The following AGMO variants were observed in gnomAD, a reference collection of about 807,000 sequenced individuals.
AGMO encodes the protein glyceryl-ether monooxygenase.
Under a neutral mutation model 60.2 loss-of-function variants are expected in AGMO, and 75 were observed. That is an observed-to-expected ratio of 1.25 (90% CI 1.03 to 1.51). The LOEUF is 1.51. AGMO is among the 40% of genes most tolerant of loss of function. The pLI is 0.00. For synonymous variants in AGMO, 261 were observed against 177.1 expected, an observed-to-expected ratio of 1.47 and a Z score of -3.76; for missense variants, 763 against 525.5, an observed-to-expected ratio of 1.45 and a Z score of -4.42.
At chr7:15,462,334 A>G (rs550243176) in intron 3 of AGMO, among the ~76,000 whole-genome samples, 6 of 152,296 alleles carry the variant, frequency 3.9e-5, no homozygotes, top group African/African-American at 1.4e-4. Flanking sequence ...TCAAGCTTAG[A>G]AAAATCTAAT....
At chr7:15,305,735 G>T (rs1780596065) in intron 12 of AGMO, among the ~76,000 whole-genome samples, 1 of 151,782 alleles carries the variant, frequency 6.6e-6, no homozygotes, top group Non-Finnish European at 1.5e-5. Flanking sequence ...TAAGCAACTC[G>T]GTTTCTACTG....
At chr7:15,551,317 G>C (rs1423992849) in intron 2 of AGMO, among the ~76,000 whole-genome samples, 2 of 151,352 alleles carry the variant, frequency 1.3e-5, no homozygotes, top group Admixed American at 6.6e-5. Context: ...GTTCTGGCCA[G>C]GGCAATTAGG....
chr7:15,143,598 T>C, the AGMO span, among the ~76,000 whole-genome samples: 2 of 152,204 alleles, frequency 1.3e-5, no homozygotes, highest in African/African-American at 2.4e-5. Context: ...TATGGGTATA[T>C]TCAGAAATAT....
At chr7:15,144,555 G>A in the AGMO span, among the ~76,000 whole-genome samples, 2 of 152,210 alleles carry the variant, frequency 1.3e-5, no homozygotes, top group African/African-American at 4.8e-5. Context: ...CGTGTATAGA[G>A]AATGGTACTT....
chr7:15,512,055 A>G (rs1257481297), intron 3 of AGMO, among the ~76,000 whole-genome samples: 1 of 152,224 alleles, frequency 6.6e-6, no homozygotes, highest in Non-Finnish European at 1.5e-5. Context: ...ATGAACATAC[A>G]AAATAATTTT....
chr7:15,210,833 C>T (rs74808231), intron 12 of AGMO, among the ~76,000 whole-genome samples: 1,685 of 151,966 alleles, frequency 0.011, 43 homozygotes, highest in African/African-American at 0.039. Flanking sequence ...TTAAATTAGA[C>T]CCTTTCAAAT....
the AGMO span, among the ~76,000 whole-genome samples, chr7:15,155,419 CTTTTTTTTTTTTTTTTT>C: frequency 1.7e-4 from 11 of 63,912 alleles, no homozygotes; most frequent in Admixed American, 7.4e-4. Flanking sequence ...TACAGAATTT[CTTTTTTTTTTTTTTTTT>C]TTTTTTTTTT....
chr7:15,320,716 C>T (rs1781083308), intron 12 of AGMO, among the ~76,000 whole-genome samples: 1 of 152,026 alleles, frequency 6.6e-6, no homozygotes, highest in Non-Finnish European at 1.5e-5. Context: ...CGATATATAT[C>T]ACATAATGTT....
At chr7:15,301,686 T>A (rs1784563084) in intron 12 of AGMO, among the ~76,000 whole-genome samples, 1 of 152,196 alleles carries the variant, frequency 6.6e-6, no homozygotes, top group African/African-American at 2.4e-5. Flanking sequence ...TAGAAATGTT[T>A]TAATTTTCAT....
At chr7:15,280,857 A>G (rs1783943965) in intron 12 of AGMO, among the ~76,000 whole-genome samples, 1 of 152,186 alleles carries the variant, frequency 6.6e-6, no homozygotes, top group South Asian at 2.1e-4. Context: ...CCAACACACT[A>G]TGGCTATTTA....
intron 4 of AGMO, among the ~76,000 whole-genome samples, chr7:15,427,361 T>C (rs191792894): frequency 7.2e-4 from 109 of 152,300 alleles, no homozygotes; most frequent in Non-Finnish European, 1.4e-3. Context: ...ATCCTTTACT[T>C]GCTTTCCCCT....
intron 12 of AGMO, among the ~76,000 whole-genome samples, chr7:15,266,120 G>T (rs918855613): frequency 1.3e-5 from 2 of 152,014 alleles, no homozygotes; most frequent in Non-Finnish European, 2.9e-5. Context: ...TGGTTGACAG[G>T]GGATCAGGGG....
intron 3 of AGMO, among the ~76,000 whole-genome samples, chr7:15,538,292 G>A (rs1396174077): frequency 1.3e-5 from 2 of 152,090 alleles, no homozygotes; most frequent in African/African-American, 4.8e-5. Flanking sequence ...GAGTACAGTG[G>A]CACACTCATA....
chr7:15,511,640 C>T lies in AGMO; in HGVS notation c.409+33132G>A, dbSNP rs916216268. Among the ~76,000 whole-genome samples the T allele has an allele frequency of 2.2e-4, 33 of 152,112 alleles. 1 individual carries two copies. Among genetic ancestry groups the T allele is most frequent in the Admixed American group, 6.5e-4 (10 of 15,282 alleles). ...CTAAGAGAATAGATCTTAAGTATTC[C>T]CATCCCCCAAAAGTAACTATGTGAG... On this transcript the variant is annotated intron_variant, in intron 3 of 12. Transcript: ENST00000342526.
At chr7:15,531,207 C>T (rs1366595667) in intron 3 of AGMO, among the ~76,000 whole-genome samples, 2 of 62,986 alleles carry the variant, frequency 3.2e-5, no homozygotes, top group Non-Finnish European at 5.5e-5. Flanking sequence ...TATATATATT[C>T]TATATATTCT....
rs917762551 is a variant in AGMO at position 15,372,457 on chromosome 7, A to AAAATAAAT, written c.1075-6243_1075-6236dup. Among the ~76,000 whole-genome samples, 4 of 152,286 alleles carry AAAATAAAT rather than the reference A, an allele frequency of 2.6e-5. No individual in the cohort carries two copies. In the East Asian group the frequency reaches 7.7e-4, roughly 29 times the overall value. On this transcript the variant is annotated intron_variant, in intron 10 of 12. Transcript: ENST00000342526. The stretch of plus-strand genomic sequence containing the variant: ...TGCGTCACAGCGAGACTCTGTCTCA[A>AAAATAAAT]AAATAAATAAATAAATAAATTCTAC...
intron 6 of AGMO, among the ~76,000 whole-genome samples, chr7:15,391,882 T>C (rs118132319): frequency 0.011 from 1,662 of 152,202 alleles, 16 homozygotes; most frequent in Non-Finnish European, 0.016. Context: ...CGTTGCTAAA[T>C]TTCCCACAGT....
At chr7:15,345,999 TG>T (rs1167702935) in intron 12 of AGMO, among the ~76,000 whole-genome samples, 2 of 152,178 alleles carry the variant, frequency 1.3e-5, no homozygotes, top group East Asian at 1.9e-4. Context: ...GTACAATTAT[TG>T]ATCAATATAG....
intron 12 of AGMO, among the ~76,000 whole-genome samples, chr7:15,351,195 A>C (rs1416462194): frequency 6.6e-6 from 1 of 152,148 alleles, no homozygotes; most frequent in East Asian, 1.9e-4. Context: ...ATGTCTGCAT[A>C]ATGGGAAAGG....
Sources: gnomAD v4.1 joint callset for allele counts (sites outside exome capture counted in the v4.1 genomes callset) on GRCh38, gnomAD v4.1.1 for gene constraint, MANE v1.5 for transcripts, NCBI Gene and HGNC (gene_info 2026-07-23, HGNC 2026-07-21) for gene names.